DMD: variants seen among roughly 807,000 people sequenced by gnomAD.
DMD encodes the protein dystrophin, also known as mutant dystrophin.
Under a neutral mutation model 330.1 loss-of-function variants are expected in DMD, and 63 were observed. The ratio of observed to expected loss-of-function variants is 0.19; its 90% confidence interval spans 0.16 to 0.24. The LOEUF (loss-of-function observed/expected upper bound fraction) is 0.24, where lower values mean the gene tolerates loss of function less well. Ranked by LOEUF, DMD falls within the 10% of genes least tolerant of loss-of-function variation. DMD has a pLI of 1.00. For synonymous variants in DMD, 1,223 were observed against 959.8 expected (o/e 1.27, Z -5.07); for missense variants, 3,344 against 2,684.1 (o/e 1.25, Z -5.43).
At chrX:31,180,576 G>T in intron 68 of DMD, 95 bp from the exon 69 acceptor site, 1 of 632,487 alleles carries the variant, frequency 1.6e-6, no homozygotes, top group Non-Finnish European at 2.6e-6. Context: ...TCTAATTTGA[G>T]AAACAGAAAG....
chrX:33,241,250 A>G (rs975773127), intron 1 of DMD, among the ~76,000 whole-genome samples: 10 of 111,933 alleles, frequency 8.9e-5, no homozygotes, highest in African/African-American at 2.9e-4. Flanking sequence ...GTCTGATATA[A>G]GGGTCTAATT....
chrX:31,910,241 A>AATC (rs1315814593), intron 47 of DMD, among the ~76,000 whole-genome samples: 1 of 112,361 alleles, frequency 8.9e-6, no homozygotes, highest in Non-Finnish European at 1.9e-5. Flanking sequence ...CACCACAATC[A>AATC]ATCAATTTAA....
intron 13 of DMD, among the ~76,000 whole-genome samples, chrX:32,588,524 A>G (rs1012009104): frequency 1.8e-5 from 2 of 111,903 alleles, no homozygotes; most frequent in African/African-American, 6.5e-5. Context: ...ACAAGTCTAT[A>G]GAGACTGGTA....
chrX:32,602,142 C>T (rs1377395597), intron 12 of DMD, among the ~76,000 whole-genome samples: 1 of 111,589 alleles, frequency 9.0e-6, no homozygotes, highest in Non-Finnish European at 1.9e-5. Flanking sequence ...CCTGAACTTC[C>T]AATTTATTTA....
intron 1 of DMD, among the ~76,000 whole-genome samples, chrX:33,305,411 C>G (rs2053743308): frequency 3.0e-5 from 2 of 65,707 alleles, no homozygotes; most frequent in Admixed American, 4.5e-4. Context: ...ACTCCGGGGA[C>G]TGTTGTGGGG....
At chrX:31,349,017 C>A (rs1162396006) in intron 60 of DMD, among the ~76,000 whole-genome samples, 1 of 112,282 alleles carries the variant, frequency 8.9e-6, no homozygotes, top group Non-Finnish European at 1.9e-5. Context: ...TCAGAAATGA[C>A]ATGTCTTGTC....
chrX:32,936,676 A>G (rs2090045526), intron 2 of DMD, among the ~76,000 whole-genome samples: 1 of 111,819 alleles, frequency 8.9e-6, no homozygotes, highest in African/African-American at 3.3e-5. Flanking sequence ...AGATAACTGG[A>G]TAAAGGAAGA....
chrX:32,471,273 C>A (rs745348541), intron 22 of DMD, among the ~76,000 whole-genome samples: 17 of 111,553 alleles, frequency 1.5e-4, no homozygotes, highest in Non-Finnish European at 3.2e-4. Context: ...AATGAAACTC[C>A]GTCTAAAAAT....
At chrX:32,510,032 A>T in intron 18 of DMD, among the ~76,000 whole-genome samples, 1 of 111,677 alleles carries the variant, frequency 9.0e-6, no homozygotes, top group Non-Finnish European at 1.9e-5. Flanking sequence ...ATGTTTCAAA[A>T]TAGGATACTA....
intron 62 of DMD, among the ~76,000 whole-genome samples, chrX:31,277,164 T>C (rs2052203759): frequency 8.9e-6 from 1 of 111,799 alleles, no homozygotes; most frequent in Non-Finnish European, 1.9e-5. Flanking sequence ...TTACCTCATA[T>C]ACTTATCATT....
intron 36 of DMD, among the ~76,000 whole-genome samples, chrX:32,363,523 G>A (rs891949909): frequency 2.7e-5 from 3 of 111,669 alleles, no homozygotes; most frequent in South Asian, 3.7e-4. Flanking sequence ...CTGACCTGCC[G>A]GGTCACAGAG....
At chrX:32,185,630 T>C (rs1417335140) in intron 44 of DMD, among the ~76,000 whole-genome samples, 2 of 111,795 alleles carry the variant, frequency 1.8e-5, no homozygotes, top group Non-Finnish European at 3.8e-5. Context: ...AATTGAATGC[T>C]ACTTGAATAC....
chrX:31,843,121 T>C (rs5927881), intron 48 of DMD, among the ~76,000 whole-genome samples: 39,430 of 111,261 alleles, frequency 0.35, 5,841 homozygotes, highest in African/African-American at 0.57. Context: ...CAGTCCACCA[T>C]TGATGGTCAT....
intron 28 of DMD, among the ~76,000 whole-genome samples, chrX:32,439,667 G>C (rs1161517529): frequency 9.0e-6 from 1 of 111,020 alleles, no homozygotes; most frequent in Non-Finnish European, 1.9e-5. Context: ...TTCTATCCTT[G>C]ATACGTGGTG....
intron 74 of DMD, among the ~76,000 whole-genome samples, chrX:31,149,035 C>G (rs1180096905): frequency 4.5e-5 from 5 of 112,049 alleles, no homozygotes; most frequent in Non-Finnish European, 1.9e-5. Context: ...ATGTTCTCTG[C>G]TTTTTATGTT....
At chrX:32,180,358 C>G (rs761365915) in intron 44 of DMD, among the ~76,000 whole-genome samples, 8 of 111,857 alleles carry the variant, frequency 7.2e-5, no homozygotes, top group Non-Finnish European at 1.5e-4. Context: ...TGATGAAAGC[C>G]TGGTGAGCTC....
intron 54 of DMD, among the ~76,000 whole-genome samples, chrX:31,637,926 T>C (rs1411919200): frequency 4.5e-5 from 5 of 111,763 alleles, no homozygotes; most frequent in Non-Finnish European, 7.5e-5. Context: ...TTTGCAAATG[T>C]ACAGATATTC....
chrX:33,008,803 C>CGTATATATGT (rs1557203777), intron 2 of DMD, among the ~76,000 whole-genome samples: 67 of 62,597 alleles, frequency 1.1e-3, no homozygotes, highest in Non-Finnish European at 1.7e-3. Flanking sequence ...CGTATATATA[C>CGTATATATGT]GTATATATAC....
rs781423118 is a variant in DMD, at chrX:31,182,925, GAGA to G, written c.9808-24_9808-22del. On this transcript the variant is annotated intron_variant, in intron 67 of 78. Coordinates refer to ENST00000357033, the MANE Select transcript of DMD (RefSeq NM_004006.3). ...TTAGCCTGCAAAGACAGGAGGGAGA[GAGA>G]AGGAGGGCAAAAGGATGAAAGGAAA... The G allele has an allele frequency of 4.2e-6, 5 of 1,188,561 alleles. No individual in the cohort carries two copies. In the South Asian group the frequency reaches 5.4e-5, roughly 13 times the overall value.
Sources: gnomAD v4.1 joint callset for allele counts (sites outside exome capture counted in the v4.1 genomes callset) on GRCh38, gnomAD v4.1.1 for gene constraint, MANE v1.5 for transcripts, NCBI Gene and HGNC (gene_info 2026-07-23, HGNC 2026-07-21) for gene names.